The following TNRC6B variants were observed in gnomAD, a reference collection of about 807,000 sequenced individuals.
TNRC6B encodes the protein trinucleotide repeat containing adaptor 6B.
A neutral mutation model predicts 203.6 loss-of-function variants in TNRC6B; 52 were observed. That is an observed-to-expected ratio of 0.26 (90% CI 0.20 to 0.32). The LOEUF (loss-of-function observed/expected upper bound fraction) is 0.32, where lower values mean the gene tolerates loss of function less well. TNRC6B is among the 10% of genes least tolerant of loss of function. The pLI, the probability that TNRC6B is intolerant of heterozygous loss-of-function variation, is 1.00. For synonymous variants in TNRC6B, 838 were observed against 845.7 expected, an observed-to-expected ratio of 0.99 and a Z score of 0.16; for missense variants, 1,923 against 2,286.2, an observed-to-expected ratio of 0.84 and a Z score of 3.24.
At chr22:40,202,072 C>G (rs2069419688) in intron 1 of TNRC6B, among the ~76,000 whole-genome samples, 1 of 152,036 alleles carries the variant, frequency 6.6e-6, no homozygotes, top group Non-Finnish European at 1.5e-5. Flanking sequence ...TAGTGTAAGC[C>G]AAGAAAATAC....
At chr22:40,132,969 A>AAAAAAAAAAAATATATATAT (rs1282694632) in intron 3 of TNRC6B, among the ~76,000 whole-genome samples, 1 of 78,190 alleles carries the variant, frequency 1.3e-5, no homozygotes, top group South Asian at 6.2e-4. Context: ...AAAAAAAAAA[A>AAAAAAAAAAAATATATATAT]ATATATATAT....
chr22:40,182,598 C>T (rs2069148469), intron 1 of TNRC6B, among the ~76,000 whole-genome samples: 1 of 152,212 alleles, frequency 6.6e-6, no homozygotes, highest in South Asian at 2.1e-4. Context: ...GATGTAGGTG[C>T]TGGGGCATCT....
chr22:40,308,718 A>G, intron 16 of TNRC6B, 69 bp downstream of exon 16: 3 of 1,510,632 alleles, frequency 2.0e-6, no homozygotes, highest in South Asian at 2.6e-5. Flanking sequence ...TTATAAGACT[A>G]TTTTGAAGTA....
At chr22:40,153,129 T>G (rs923838297) in intron 3 of TNRC6B, among the ~76,000 whole-genome samples, 5 of 152,092 alleles carry the variant, frequency 3.3e-5, no homozygotes, top group Admixed American at 6.6e-5. Context: ...TAAAACATTT[T>G]TATGTGTCAG....
intron 1 of TNRC6B, among the ~76,000 whole-genome samples, chr22:40,221,903 A>G (rs918547176): frequency 6.6e-6 from 1 of 151,922 alleles, no homozygotes; most frequent in Non-Finnish European, 1.5e-5. Flanking sequence ...AGGAGTCCAT[A>G]TGTGGGGGGC....
chr22:40,246,259 G>C, intron 2 of TNRC6B, 157 bp downstream of exon 2: 2 of 480,156 alleles, frequency 4.2e-6, no homozygotes, highest in Non-Finnish European at 7.3e-6. Context: ...GCGTGATCTT[G>C]GCTCACTACA....
At chr22:40,160,042 C>T (rs992620953) in intron 4 of TNRC6B, among the ~76,000 whole-genome samples, 7 of 152,098 alleles carry the variant, frequency 4.6e-5, no homozygotes, top group African/African-American at 1.7e-4. Context: ...TCTCCAGCTC[C>T]TGGGCCCAAG....
intron 1 of TNRC6B, among the ~76,000 whole-genome samples, chr22:40,244,565 G>T (rs1357007106): frequency 6.6e-6 from 1 of 151,446 alleles, no homozygotes; most frequent in African/African-American, 2.4e-5. Context: ...TGTTAAACTA[G>T]ATCTCCGCTT....
intron 15 of TNRC6B, among the ~76,000 whole-genome samples, chr22:40,307,946 C>T (rs1386868534): frequency 1.3e-5 from 2 of 152,176 alleles, no homozygotes; most frequent in African/African-American, 4.8e-5. Context: ...CCTCATCCCC[C>T]ACCACTCTCC....
chr22:40,317,800 T>C (rs1202955758), intron 21 of TNRC6B, among the ~76,000 whole-genome samples: 1 of 152,228 alleles, frequency 6.6e-6, no homozygotes, highest in Non-Finnish European at 1.5e-5. Flanking sequence ...CGAGGTTAAA[T>C]GGGCTCATCA....
At chr22:40,176,163 T>C (rs1716278049), upstream of TNRC6B, among the ~76,000 whole-genome samples, 1 of 150,434 alleles carries the variant, frequency 6.6e-6, no homozygotes. Flanking sequence ...TCACTCTTGC[T>C]GCCCAGTCTG....
intron 11 of TNRC6B, among the ~76,000 whole-genome samples, chr22:40,283,251 G>T (rs2070740873): frequency 6.6e-6 from 1 of 152,080 alleles, no homozygotes; most frequent in Non-Finnish European, 1.5e-5. Context: ...TGTTAGCCGG[G>T]ATGGTCTCAA....
intron 1 of TNRC6B, among the ~76,000 whole-genome samples, chr22:40,055,281 A>G (rs1601787508): frequency 6.6e-6 from 1 of 152,166 alleles, no homozygotes; most frequent in African/African-American, 2.4e-5. Flanking sequence ...ATGAAAAGGA[A>G]GGTCATCAAC....
chr22:40,121,798 T>C (rs2068448970), intron 2 of TNRC6B, among the ~76,000 whole-genome samples: 1 of 152,244 alleles, frequency 6.6e-6, no homozygotes, highest in South Asian at 2.1e-4. Context: ...CTTGTCTCTA[T>C]AGAAACAGCC....
chr22:40,120,189 C>T (rs775444559), intron 2 of TNRC6B, among the ~76,000 whole-genome samples: 7 of 152,084 alleles, frequency 4.6e-5, no homozygotes, highest in Non-Finnish European at 1.0e-4. Context: ...GAAATCCCAA[C>T]TCTACCATAA....
chr22:40,308,760 C>T, intron 16 of TNRC6B, 111 bp downstream of exon 16: 3 of 1,263,238 alleles, frequency 2.4e-6, no homozygotes, highest in Admixed American at 2.6e-5. Flanking sequence ...CTTGTGAATC[C>T]TATGATTGCC....
chr22:40,232,803 A>G (rs1434250380), intron 1 of TNRC6B, among the ~76,000 whole-genome samples: 1 of 152,204 alleles, frequency 6.6e-6, no homozygotes, highest in Non-Finnish European at 1.5e-5. Context: ...ACTTGATAAC[A>G]GGAATTCGAG....
rs1348497734 is a variant in TNRC6B, at chr22:40,312,530, A to G, written c.4461A>G (p.Lys1487=). The change falls in exon 18 of 23, where the codon AAA becomes AAG. Residue 1487 remains lysine, a synonymous_variant. Transcript: ENST00000454349. Reference sequence around the variant, plus strand: ...AATTCCAACCAGGAGTGCCATGGAAAGGTATCCAAAACATTGACCCTGAAT... The same window carrying G: ...AATTCCAACCAGGAGTGCCATGGAAGGGTATCCAAAACATTGACCCTGAAT... ...PPEFQPGVPW[K]GIQNIDPESD... 2.4e-5 allele frequency: 39 copies of G among 1,613,064 alleles called. No homozygotes were observed. The highest frequency in any genetic ancestry group is 3.2e-5 in the Non-Finnish European group (38 of 1,179,666).
At chr22:40,234,419 GAAAC>G (rs1175315982) in intron 1 of TNRC6B, among the ~76,000 whole-genome samples, 4 of 151,484 alleles carry the variant, frequency 2.6e-5, no homozygotes, top group African/African-American at 9.7e-5. Context: ...TTCTTGAAAA[GAAAC>G]AACCAAGTGC....
Sources: gnomAD v4.1 joint callset for allele counts (sites outside exome capture counted in the v4.1 genomes callset) on GRCh38, gnomAD v4.1.1 for gene constraint, MANE v1.5 for transcripts, NCBI Gene and HGNC (gene_info 2026-07-23, HGNC 2026-07-21) for gene names.